TMEM273: variants seen among roughly 807,000 people sequenced by gnomAD.
TMEM273 encodes the protein chromosome 10 open reading frame 128.
Under a neutral mutation model 17.9 loss-of-function variants are expected in TMEM273, and 19 were observed. That is an observed-to-expected ratio of 1.06 (90% CI 0.74 to 1.55). The LOEUF (loss-of-function observed/expected upper bound fraction) is 1.55. Ranked by LOEUF, TMEM273 falls within the 40% of genes most tolerant of loss-of-function variation. The pLI is 0.00. For synonymous variants in TMEM273, 66 were observed against 62.0 expected, an observed-to-expected ratio of 1.07 and a Z score of -0.31; for missense variants, 194 against 155.6, an observed-to-expected ratio of 1.25 and a Z score of -1.31.
At chr10:49,185,329 C>T (rs2132300390) in intron 1 of TMEM273, among the ~76,000 whole-genome samples, 1 of 152,270 alleles carries the variant, frequency 6.6e-6, no homozygotes, top group African/African-American at 2.4e-5. Context: ...GGCTTCTCAT[C>T]CCAGGGTCCC....
At chr10:49,160,885 T>A (rs550163785) in intron 6 of TMEM273, 22 of 152,202 alleles carry the variant, frequency 1.4e-4, no homozygotes, top group Admixed American at 8.5e-4. Flanking sequence ...ATTTGAAAAT[T>A]TTTCATAAAG....
intron 6 of TMEM273, chr10:49,156,174 G>T: frequency 6.6e-7 from 1 of 1,506,688 alleles, no homozygotes; most frequent in African/African-American, 1.4e-5. Context: ...GACAAAAAGA[G>T]AAGTCATTCC....
chr10:49,174,934 G>T (rs1846851895), intron 1 of TMEM273, among the ~76,000 whole-genome samples: 1 of 152,162 alleles, frequency 6.6e-6, no homozygotes, highest in Non-Finnish European at 1.5e-5. Flanking sequence ...AAAGTACAGT[G>T]ATTAGCCAGC....
intron 1 of TMEM273, among the ~76,000 whole-genome samples, chr10:49,169,743 C>T (rs1846430950): frequency 6.6e-6 from 1 of 152,164 alleles, no homozygotes; most frequent in African/African-American, 2.4e-5. Context: ...GCTGCTCCAG[C>T]TAGGTTGAAC....
chr10:49,160,626 A>G (rs1170459773), intron 6 of TMEM273: 1 of 152,256 alleles, frequency 6.6e-6, no homozygotes, highest in Admixed American at 6.5e-5. Flanking sequence ...GGACTGTATA[A>G]TAGATGATAT....
At chr10:49,158,049 A>T (rs1845616546) in intron 6 of TMEM273, among the ~76,000 whole-genome samples, 1 of 152,116 alleles carries the variant, frequency 6.6e-6, no homozygotes. Context: ...AATGGCAAAA[A>T]CTCCATTTTG....
At chr10:49,168,988 G>T (rs745887603) in intron 1 of TMEM273, among the ~76,000 whole-genome samples, 1 of 148,388 alleles carries the variant, frequency 6.7e-6, no homozygotes, top group African/African-American at 2.4e-5. Flanking sequence ...ATTGCCATTC[G>T]CAAAATGAGG....
At position 49,167,022 on chromosome 10, in the gene TMEM273, G is replaced by A. The variant is rs766216710; in HGVS notation, c.98-13C>T. Reference sequence around the variant, plus strand: ...GCGTACTTGAAATCTGAAACGCAGGGAGGAATTGAACACCCGGTTTCAGTC... The same window carrying A: ...GCGTACTTGAAATCTGAAACGCAGGAAGGAATTGAACACCCGGTTTCAGTC... On this transcript the variant is annotated splice_polypyrimidine_tract_variant and intron_variant, in intron 2 of 6. Transcript: ENST00000374153. 6.2e-7 allele frequency: 1 copy of A among 1,613,290 alleles called. No individual in the cohort carries two copies.
rs187529897 is a variant in TMEM273, at chr10:49,170,436, C to T, written c.44-2474G>A. Among the ~76,000 whole-genome samples the T allele has an allele frequency of 1.1e-3, 172 of 152,272 alleles. 1 individual carries two copies. Among genetic ancestry groups the T allele is most frequent in the Non-Finnish European group, 1.8e-3 (122 of 68,006 alleles). ...ACCCCTGGCTGAGGTTCAGCTCACC[C>T]CCAAAAAGAGGCCAGTCCCTTAGGC... On this transcript the variant is annotated intron_variant, in intron 1 of 6. Transcript: ENST00000374153.
At position 49,155,854 on chromosome 10, in the gene TMEM273, G is replaced by C. The variant is rs751459951; in HGVS notation, c.*38C>G. 5 of 1,613,980 alleles carry C rather than the reference G, an allele frequency of 3.1e-6. No individual in the cohort carries two copies. The highest frequency in any genetic ancestry group is 3.3e-5 in the Admixed American group (2 of 59,988). ...GTTAACCATGGGCTGTTTTCCACGG[G>C]GCTAGAACCCCTCTTCACGTCACTG... On this transcript the variant is annotated 3_prime_UTR_variant, in exon 7 of 7. Coordinates refer to ENST00000374153, the MANE Select transcript of TMEM273 (RefSeq NM_001288740.3).
At chr10:49,185,331 C>T (rs1300329663) in intron 1 of TMEM273, among the ~76,000 whole-genome samples, 4 of 152,066 alleles carry the variant, frequency 2.6e-5, no homozygotes, top group Non-Finnish European at 4.4e-5. Context: ...CTTCTCATCC[C>T]AGGGTCCCCC....
At chr10:49,156,217 T>C (rs192437065) in intron 6 of TMEM273, 1 of 1,406,138 alleles carries the variant, frequency 7.1e-7, no homozygotes, top group East Asian at 3.7e-5. Flanking sequence ...GGGAAACTTT[T>C]CACTTTCTGT....
At chr10:49,168,747 A>G (rs1001558157) in intron 1 of TMEM273, among the ~76,000 whole-genome samples, 14 of 151,972 alleles carry the variant, frequency 9.2e-5, no homozygotes, top group African/African-American at 3.4e-4. Flanking sequence ...AGAAAGAAGG[A>G]AAGAGAGCAT....
rs575004690 is a variant in TMEM273, at chr10:49,178,033, C to T, written c.44-10071G>A. Among the ~76,000 whole-genome samples, 26 of 152,324 alleles carry T rather than the reference C, an allele frequency of 1.7e-4. No individual in the cohort carries two copies. The South Asian group carries it at 5.4e-3, about 32-fold the overall frequency. On this transcript the variant is annotated intron_variant, in intron 1 of 6. Transcript: ENST00000374153. Reference sequence around the variant, plus strand: ...CCAGCCTCCCCTCTCCTGGACTATCCATTTGCCTTCTCCTAGTAAGTCTCC... The same window carrying T: ...CCAGCCTCCCCTCTCCTGGACTATCTATTTGCCTTCTCCTAGTAAGTCTCC...
intron 1 of TMEM273, among the ~76,000 whole-genome samples, chr10:49,174,856 C>T (rs1012443304): frequency 2.0e-5 from 3 of 152,098 alleles, no homozygotes; most frequent in African/African-American, 4.8e-5. Flanking sequence ...GCGACCCTGA[C>T]GCTAAGGCTT....
chr10:49,176,337 T>C (rs1590232370), intron 1 of TMEM273, among the ~76,000 whole-genome samples: 1 of 152,186 alleles, frequency 6.6e-6, no homozygotes, highest in African/African-American at 2.4e-5. Flanking sequence ...GGCACAAGCC[T>C]CTGCTGTTTC....
intron 3 of TMEM273, among the ~76,000 whole-genome samples, chr10:49,166,135 G>T (rs1391071466): frequency 6.6e-6 from 1 of 152,186 alleles, no homozygotes; most frequent in Non-Finnish European, 1.5e-5. Context: ...GGAAGGCAGT[G>T]AGGCTCTATT....
At chr10:49,169,845 G>A (rs1237613647) in intron 1 of TMEM273, among the ~76,000 whole-genome samples, 1 of 152,246 alleles carries the variant, frequency 6.6e-6, no homozygotes, top group African/African-American at 2.4e-5. Flanking sequence ...TCAGAGCTGT[G>A]TGTGCTACGT....
chr10:49,163,798 T>C (rs1422381395), intron 5 of TMEM273, among the ~76,000 whole-genome samples: 1 of 152,104 alleles, frequency 6.6e-6, no homozygotes, highest in Non-Finnish European at 1.5e-5. Flanking sequence ...CAGAAACCAC[T>C]GCTGAAAACT....
Sources: gnomAD v4.1 joint callset for allele counts (sites outside exome capture counted in the v4.1 genomes callset) on GRCh38, gnomAD v4.1.1 for gene constraint, MANE v1.5 for transcripts, NCBI Gene and HGNC (gene_info 2026-07-23, HGNC 2026-07-21) for gene names.